SLC20A2: variants seen among roughly 807,000 people sequenced by gnomAD.
SLC20A2 encodes sodium-dependent phosphate transporter 2.
SLC20A2 carries 30 observed loss-of-function variants against 61.0 expected under a neutral mutation model. That is an observed-to-expected ratio of 0.49 (90% CI 0.37 to 0.67). SLC20A2 has a LOEUF of 0.67. SLC20A2 is among the 30% of genes least tolerant of loss of function. SLC20A2 has a pLI of 0.00. For synonymous variants in SLC20A2, 351 were observed against 353.3 expected, an observed-to-expected ratio of 0.99 and a Z score of 0.07; for missense variants, 626 against 866.4, an observed-to-expected ratio of 0.72 and a Z score of 3.48.
In SLC20A2 at chr8:42,449,337, G is replaced by A. The variant is rs570189856; in HGVS notation, c.614-4575C>T. On this transcript the variant is annotated intron_variant, in intron 5 of 10. Coordinates refer to ENST00000520262, the MANE Select transcript of SLC20A2 (RefSeq NM_001257180.2). ...CAAATGTCAAGCGCCTTTCATTTGC[G>A]GAGCAGCTAAGATACGATGAATAGT... Among the ~76,000 whole-genome samples the A allele has an allele frequency of 1.2e-3, 177 of 152,274 alleles. 1 individual carries two copies. The highest frequency in any genetic ancestry group is 9.1e-3 in the South Asian group (44 of 4,820).
At chr8:42,499,330 G>A (rs1212701839) in intron 1 of SLC20A2, among the ~76,000 whole-genome samples, 1 of 152,202 alleles carries the variant, frequency 6.6e-6, no homozygotes, top group African/African-American at 2.4e-5. Context: ...AAGCAGCGAA[G>A]AGAATCGCAG....
chr8:42,540,150 G>C (rs1481065546), intron 1 of SLC20A2, among the ~76,000 whole-genome samples: 1 of 152,158 alleles, frequency 6.6e-6, no homozygotes, highest in Non-Finnish European at 1.5e-5. Context: ...AACTTAGCTG[G>C]GCGTGGTGGC....
At chr8:42,503,345 G>A (rs945907520), upstream of SLC20A2, among the ~76,000 whole-genome samples, 1 of 152,144 alleles carries the variant, frequency 6.6e-6, no homozygotes, top group Non-Finnish European at 1.5e-5. Context: ...TTAATTTTTG[G>A]TGGTAGAGGA....
At chr8:42,491,670 C>CA (rs955300438) in intron 1 of SLC20A2, among the ~76,000 whole-genome samples, 69 of 142,498 alleles carry the variant, frequency 4.8e-4, no homozygotes, top group African/African-American at 7.9e-4. Context: ...GACTCCATCT[C>CA]AAAAAAAAAA....
chr8:42,491,039 A>G (rs1429864412), intron 1 of SLC20A2, among the ~76,000 whole-genome samples: 3 of 152,178 alleles, frequency 2.0e-5, no homozygotes, highest in African/African-American at 7.2e-5. Context: ...AAAAGACAAA[A>G]AAGAGGAAAA....
intron 5 of SLC20A2, among the ~76,000 whole-genome samples, chr8:42,447,410 G>T (rs890179754): frequency 6.6e-6 from 1 of 151,314 alleles, no homozygotes; most frequent in Admixed American, 6.6e-5. Context: ...GGGTGCGGTG[G>T]CTCATGCCTG....
chr8:42,455,480 G>A (rs545198384), intron 5 of SLC20A2, among the ~76,000 whole-genome samples: 2 of 151,756 alleles, frequency 1.3e-5, no homozygotes, highest in African/African-American at 4.8e-5. Context: ...CTAACACGGT[G>A]AAACCCCATC....
chr8:42,533,593 C>A (rs558715055), intron 1 of SLC20A2, among the ~76,000 whole-genome samples: 120 of 150,586 alleles, frequency 8.0e-4, no homozygotes, highest in Non-Finnish European at 9.0e-4. Flanking sequence ...GCGTCGTCAT[C>A]ACACTCCAAC....
intron 1 of SLC20A2, among the ~76,000 whole-genome samples, chr8:42,511,845 G>A (rs1293256716): frequency 6.6e-6 from 1 of 152,030 alleles, no homozygotes; most frequent in Non-Finnish European, 1.5e-5. Flanking sequence ...CGTTTTCAAA[G>A]TAGCTGTGAT....
intron 1 of SLC20A2, among the ~76,000 whole-genome samples, chr8:42,495,806 G>A (rs1318581488): frequency 6.6e-6 from 1 of 151,084 alleles, no homozygotes; most frequent in Non-Finnish European, 1.5e-5. Context: ...CTGGAGTGCA[G>A]TGGTGTGATC....
intron 8 of SLC20A2, 55 bp downstream of exon 8, chr8:42,436,934 G>T: frequency 1.3e-6 from 2 of 1,487,288 alleles, no homozygotes; most frequent in Non-Finnish European, 1.8e-6. Flanking sequence ...GCACAGCGCT[G>T]GCCCCTGGCG....
At chr8:42,489,707 T>A (rs939968931) in intron 1 of SLC20A2, among the ~76,000 whole-genome samples, 2 of 152,198 alleles carry the variant, frequency 1.3e-5, no homozygotes, top group African/African-American at 4.8e-5. Context: ...TCGCTAGGGA[T>A]CACTTGTGGG....
chr8:42,497,873 G>A (rs977832480), intron 1 of SLC20A2, among the ~76,000 whole-genome samples: 8 of 152,032 alleles, frequency 5.3e-5, no homozygotes, highest in Non-Finnish European at 1.2e-4. Context: ...TTACTCCCCA[G>A]TACCCAAGCC....
intron 8 of SLC20A2, among the ~76,000 whole-genome samples, chr8:42,431,224 A>G (rs1803848587): frequency 6.6e-6 from 1 of 152,238 alleles, no homozygotes; most frequent in Non-Finnish European, 1.5e-5. Flanking sequence ...AAGGAAATTT[A>G]AAGTGCTACT....
intron 1 of SLC20A2, among the ~76,000 whole-genome samples, chr8:42,534,475 A>C (rs763414493): frequency 6.6e-6 from 1 of 152,220 alleles, no homozygotes; most frequent in African/African-American, 2.4e-5. Context: ...TCCACCTAGA[A>C]TATGAGAACA....
At chr8:42,497,451 T>G (rs1810009114) in intron 1 of SLC20A2, among the ~76,000 whole-genome samples, 1 of 152,170 alleles carries the variant, frequency 6.6e-6, no homozygotes, top group Non-Finnish European at 1.5e-5. Context: ...TCTGCATTTC[T>G]CACATGTTTC....
At chr8:42,520,906 A>T (rs1811602005) in intron 1 of SLC20A2, among the ~76,000 whole-genome samples, 1 of 121,488 alleles carries the variant, frequency 8.2e-6, no homozygotes, top group African/African-American at 2.5e-5. Flanking sequence ...CTTACAGTAT[A>T]CATAAGACAG....
chr8:42,470,318 A>G (rs1454004077), intron 2 of SLC20A2, among the ~76,000 whole-genome samples: 2 of 151,716 alleles, frequency 1.3e-5, no homozygotes, highest in Non-Finnish European at 2.9e-5. Flanking sequence ...CCTGGGCTCA[A>G]GCAATCCTCC....
intron 1 of SLC20A2, among the ~76,000 whole-genome samples, chr8:42,479,920 C>T (rs191582942): frequency 2.6e-5 from 4 of 152,292 alleles, no homozygotes; most frequent in Admixed American, 2.6e-4. Flanking sequence ...GAGGAGCACT[C>T]AGGGGGTATG....
Sources: allele counts gnomAD v4.1 joint callset (sites outside exome capture counted in the v4.1 genomes callset), GRCh38; gene constraint gnomAD v4.1.1; transcripts MANE v1.5; gene names NCBI Gene and HGNC (gene_info 2026-07-23, HGNC 2026-07-21).